Variants in ANKRD36C observed in about 807,000 individuals in gnomAD.
The protein encoded by ANKRD36C is ankyrin repeat domain-containing protein 36C.
ANKRD36C carries 61 observed loss-of-function variants against 276.4 expected under a neutral mutation model. The observed-to-expected ratio is 0.22, with a 90% CI of 0.18 to 0.27. The LOEUF (loss-of-function observed/expected upper bound fraction) is 0.27, where lower values mean the gene tolerates loss of function less well. Ranked by LOEUF, ANKRD36C falls within the 10% of genes least tolerant of loss-of-function variation. The pLI is 1.00. For missense variants in ANKRD36C, 1,447 were observed against 2,032.3 expected (o/e 0.71, Z 5.54); for synonymous variants, 483 against 680.1 (o/e 0.71, Z 4.51).
intron 46 of ANKRD36C, among the ~76,000 whole-genome samples, chr2:95,890,402 A>G (rs1332193701): frequency 6.6e-6 from 1 of 151,536 alleles, no homozygotes; most frequent in Admixed American, 6.6e-5. Context: ...CAATTATAGT[A>G]CAAACATTCA....
At chr2:95,915,307 T>C (rs1677060039) in intron 38 of ANKRD36C, among the ~76,000 whole-genome samples, 1 of 151,598 alleles carries the variant, frequency 6.6e-6, no homozygotes, top group Non-Finnish European at 1.5e-5. Context: ...GTATCTCTGA[T>C]GCCTAATAGT....
In ANKRD36C at chr2:95,868,898, GT is replaced by G. The variant is rs796243015; in HGVS notation, c.3541-1318del. ...AACTTATTTGTGATGAATTTTAAAG[GT>G]TTTTTTTACCCTAGTTTGTCTTGTT... is the stretch of plus-strand genomic sequence containing the variant. On this transcript the variant is annotated intron_variant, in intron 59 of 66. Transcript: ENST00000456556. Among the ~76,000 whole-genome samples the G allele has an allele frequency of 4.7e-4, 72 of 152,368 alleles. No individual in the cohort carries two copies. In the Middle Eastern group the frequency reaches 0.017, roughly 36 times the overall value.
At chr2:95,950,004 TA>T (rs1394339229) in intron 16 of ANKRD36C, among the ~76,000 whole-genome samples, 1 of 151,560 alleles carries the variant, frequency 6.6e-6, no homozygotes, top group Non-Finnish European at 1.5e-5. Context: ...ATCCAGAAAA[TA>T]AGAAAAAGCT....
At chr2:95,926,131 C>G (rs963326217) in intron 28 of ANKRD36C, among the ~76,000 whole-genome samples, 24 of 151,536 alleles carry the variant, frequency 1.6e-4, no homozygotes, top group African/African-American at 5.8e-4. Context: ...TTCTCAAACC[C>G]ATGTGGTGTA....
exon 62 of ANKRD36C, chr2:95,857,311 G>C: frequency 7.6e-6 from 12 of 1,582,588 alleles, no homozygotes; most frequent in Non-Finnish European, 1.0e-5. Context: ...TAATTTACCT[G>C]ATTTGAATTA....
intron 24 of ANKRD36C, among the ~76,000 whole-genome samples, chr2:95,935,017 G>T (rs1425488900): frequency 6.6e-6 from 1 of 152,114 alleles, no homozygotes; most frequent in South Asian, 2.1e-4. Context: ...GCATGTGATT[G>T]GGTGAAGACT....
rs1464847568 is a variant in ANKRD36C at position 95,856,301 on chromosome 2, T to A, written c.4081-121A>T. 23 of 1,525,170 alleles carry A rather than the reference T, an allele frequency of 1.5e-5. No individual in the cohort carries two copies. The Admixed American group carries it at 4.7e-4, about 31-fold the overall frequency. 94.5% of individuals were successfully genotyped at this position (1,525,170 alleles called of 1,614,324 possible). On this transcript the variant is annotated intron_variant, in intron 62 of 66. Coordinates refer to ENST00000456556, the Ensembl canonical transcript of ANKRD36C. ...TGAGAGGTTGCCATAACTGGATATC[T>A]AACTGGGAAAAAAGAAGTTGAGTCA... is the stretch of plus-strand genomic sequence containing the variant.
At chr2:95,894,640 G>A (rs1191644010) in intron 44 of ANKRD36C, among the ~76,000 whole-genome samples, 1 of 151,332 alleles carries the variant, frequency 6.6e-6, no homozygotes, top group Non-Finnish European at 1.5e-5. Flanking sequence ...TATACAAGAG[G>A]TAGCTCTTTG....
intron 59 of ANKRD36C, among the ~76,000 whole-genome samples, chr2:95,869,170 T>C (rs545599541): frequency 8.5e-5 from 13 of 152,338 alleles, no homozygotes; most frequent in Admixed American, 1.3e-4. Flanking sequence ...TAAAGTTTAA[T>C]ATCAAACTTC....
At chr2:95,876,321 T>C (rs1675952454) in intron 59 of ANKRD36C, 118 bp downstream of exon 79, 1 of 797,680 alleles carries the variant, frequency 1.3e-6, no homozygotes, top group African/African-American at 1.6e-5. Context: ...AAATATTAAA[T>C]TATAATCAAC....
In ANKRD36C at chr2:95,927,054, A is replaced by G. The variant is rs558717782; in HGVS notation, c.1939+160T>C. ...ATAATCTTACTGCAAAGATCATGTC[A>G]AAGACCAGCAGCATCAGTGTCACCT... is the stretch of plus-strand genomic sequence containing the variant. On this transcript the variant is annotated intron_variant, in intron 28 of 66. Transcript: ENST00000456556. 2.5e-3 allele frequency among the ~76,000 whole-genome samples: 373 copies of G among 151,594 alleles called. 1 individual carries two copies. The highest frequency in any genetic ancestry group is 8.3e-3 in the African/African-American group (346 of 41,448).
rs1308534823 is a variant in ANKRD36C at position 95,986,616 on chromosome 2, C to T, written c.486+135G>A. On this transcript the variant is annotated intron_variant, in intron 3 of 66. Coordinates refer to ENST00000456556, the Ensembl canonical transcript of ANKRD36C. ...CCAAAATTTAAAGTAAAATCTTAGACAGTTAAGGCATTTCAAAATATTTTC... is the reference window on the plus strand; with the variant it reads ...CCAAAATTTAAAGTAAAATCTTAGATAGTTAAGGCATTTCAAAATATTTTC... 7.8e-6 allele frequency: 9 copies of T among 1,155,310 alleles called. No individual in the cohort carries two copies. In the Admixed American group the frequency reaches 9.2e-5, roughly 12 times the overall value. 71.6% of individuals were successfully genotyped at this position (1,155,310 alleles called of 1,614,324 possible).
intron 17 of ANKRD36C, among the ~76,000 whole-genome samples, chr2:95,946,633 C>A: frequency 1.3e-5 from 2 of 148,624 alleles, no homozygotes; most frequent in African/African-American, 5.0e-5. Context: ...GCATTATTCA[C>A]AATAGCAAAG....
At chr2:95,870,419 C>G (rs1640380404) in intron 59 of ANKRD36C, among the ~76,000 whole-genome samples, 1 of 152,200 alleles carries the variant, frequency 6.6e-6, no homozygotes, top group African/African-American at 2.4e-5. Flanking sequence ...TGGAGTGGAC[C>G]TCTAGCAAAC....
chr2:95,869,863 C>T (rs1243918061), intron 59 of ANKRD36C, among the ~76,000 whole-genome samples: 1 of 152,250 alleles, frequency 6.6e-6, no homozygotes, highest in Non-Finnish European at 1.5e-5. Context: ...AAATTATATC[C>T]TGCACCTGGC....
chr2:95,873,895 C>A (rs1248318672), intron 59 of ANKRD36C, among the ~76,000 whole-genome samples: 2 of 152,254 alleles, frequency 1.3e-5, no homozygotes, highest in East Asian at 3.9e-4. Flanking sequence ...CAGACAAACA[C>A]AGAGCCAAAT....
chr2:95,876,122 T>C, intron 59 of ANKRD36C: 1 of 327,506 alleles, frequency 3.1e-6, no homozygotes, highest in South Asian at 2.7e-5. Context: ...GTTCATAATT[T>C]CTATTGCTTA....
chr2:95,921,726 C>A, intron 33 of ANKRD36C, 47 bp from the exon 34 acceptor site: 1 of 1,588,526 alleles, frequency 6.3e-7, no homozygotes, highest in Non-Finnish European at 8.6e-7. Context: ...ATAAATGAAG[C>A]ATGTTTCATA....
intron 19 of ANKRD36C, among the ~76,000 whole-genome samples, chr2:95,942,030 G>A (rs1356645052): frequency 6.6e-6 from 1 of 152,290 alleles, no homozygotes; most frequent in Non-Finnish European, 1.5e-5. Flanking sequence ...GACGCCAGAT[G>A]ACAGAGTAGA....
Sources: gnomAD v4.1 joint callset for allele counts (sites outside exome capture counted in the v4.1 genomes callset) on GRCh38, gnomAD v4.1.1 for gene constraint, MANE v1.5 for transcripts, NCBI Gene and HGNC (gene_info 2026-07-23, HGNC 2026-07-21) for gene names.